PCDH7: variants seen among roughly 807,000 people sequenced by gnomAD.
The protein encoded by PCDH7 is protocadherin-7.
A neutral mutation model predicts 58.9 loss-of-function variants in PCDH7; 17 were observed. That is an observed-to-expected ratio of 0.29 (90% CI 0.20 to 0.43). The LOEUF (loss-of-function observed/expected upper bound fraction) is 0.43. Among genes scored for constraint, PCDH7 ranks in the 20% least tolerant of loss-of-function variants. The pLI, the probability that PCDH7 is intolerant of heterozygous loss-of-function variation, is 1.00. For synonymous variants in PCDH7, 664 were observed against 616.4 expected, an observed-to-expected ratio of 1.08 and a Z score of -1.14; for missense variants, 1,274 against 1,441.0, an observed-to-expected ratio of 0.88 and a Z score of 1.88.
intron 1 of PCDH7, among the ~76,000 whole-genome samples, chr4:30,868,488 G>A (rs539747360): frequency 6.6e-6 from 1 of 152,210 alleles, no homozygotes; most frequent in Non-Finnish European, 1.5e-5. Context: ...GACAAGGAAT[G>A]TTCAGTGCCT....
chr4:31,086,925 A>G (rs952150687), intron 3 of PCDH7, among the ~76,000 whole-genome samples: 2 of 152,206 alleles, frequency 1.3e-5, no homozygotes, highest in Admixed American at 6.5e-5. Context: ...ATACATAGCC[A>G]AGAATACCAT....
intron 3 of PCDH7, among the ~76,000 whole-genome samples, chr4:30,977,961 G>C (rs1434085749): frequency 6.6e-6 from 1 of 152,106 alleles, no homozygotes; most frequent in African/African-American, 2.4e-5. Context: ...ATGCTCCTTA[G>C]CTTCGTATAA....
intron 1 of PCDH7, chr4:30,725,343 G>T: frequency 1.1e-6 from 1 of 945,380 alleles, no homozygotes; most frequent in Non-Finnish European, 1.3e-6. Flanking sequence ...TATTATTTAA[G>T]CCAAGTAATG....
At chr4:31,016,897 GGT>G (rs1007246771) in intron 3 of PCDH7, among the ~76,000 whole-genome samples, 18 of 147,602 alleles carry the variant, frequency 1.2e-4, no homozygotes, top group Middle Eastern at 3.4e-3. Context: ...GTGTGTGCTG[GGT>G]GTGTGTGTGT....
intron 1 of PCDH7, among the ~76,000 whole-genome samples, chr4:30,769,460 G>A (rs1002233832): frequency 2.6e-5 from 4 of 152,094 alleles, no homozygotes; most frequent in African/African-American, 9.7e-5. Context: ...CCTCAATTTG[G>A]CTTTAAGACT....
At chr4:31,057,683 C>G (rs1757362576) in intron 3 of PCDH7, among the ~76,000 whole-genome samples, 1 of 152,094 alleles carries the variant, frequency 6.6e-6, no homozygotes, top group Non-Finnish European at 1.5e-5. Context: ...GTTTAAAAAT[C>G]TTACTTAGTT....
chr4:30,752,387 T>C (rs1314525560), intron 1 of PCDH7, among the ~76,000 whole-genome samples: 7 of 152,258 alleles, frequency 4.6e-5, no homozygotes, highest in South Asian at 2.1e-4. Flanking sequence ...AGCAGGTTCA[T>C]GGATGATTTT....
intron 1 of PCDH7, among the ~76,000 whole-genome samples, chr4:30,890,551 A>G (rs1738479263): frequency 6.6e-6 from 1 of 151,956 alleles, no homozygotes; most frequent in South Asian, 2.1e-4. Flanking sequence ...GCCCAAATAT[A>G]TGATCATCTT....
intron 1 of PCDH7, among the ~76,000 whole-genome samples, chr4:30,883,607 A>G (rs1174924131): frequency 2.0e-5 from 3 of 152,130 alleles, no homozygotes; most frequent in African/African-American, 7.2e-5. Context: ...CTTTCATCCA[A>G]TAGTATTTGC....
intron 1 of PCDH7, among the ~76,000 whole-genome samples, chr4:30,798,808 T>C (rs536601345): frequency 1.6e-4 from 25 of 152,288 alleles, no homozygotes; most frequent in African/African-American, 5.3e-4. Context: ...GAACTAACTG[T>C]TCAAGTTATA....
intron 3 of PCDH7, among the ~76,000 whole-genome samples, chr4:31,081,984 G>A (rs1452068218): frequency 3.3e-5 from 5 of 152,086 alleles, no homozygotes; most frequent in Non-Finnish European, 7.4e-5. Flanking sequence ...TGTTGGCCAG[G>A]CTGGTCTTGA....
At chr4:30,974,885 G>A (rs986862450) in intron 3 of PCDH7, among the ~76,000 whole-genome samples, 3 of 152,090 alleles carry the variant, frequency 2.0e-5, no homozygotes, top group African/African-American at 4.8e-5. Flanking sequence ...AAAGAGAAAG[G>A]CCTTTTATTT....
At chr4:31,132,994 T>C (rs1010040940) in intron 3 of PCDH7, among the ~76,000 whole-genome samples, 1 of 152,246 alleles carries the variant, frequency 6.6e-6, no homozygotes, top group Non-Finnish European at 1.5e-5. Context: ...ACCTAAAATA[T>C]TGACATAATC....
chr4:30,827,782 A>G (rs530161242), intron 1 of PCDH7, among the ~76,000 whole-genome samples: 2 of 152,266 alleles, frequency 1.3e-5, no homozygotes, highest in Admixed American at 1.3e-4. Context: ...GAAACATACA[A>G]TCTAGTATGT....
At chr4:30,851,010 G>A (rs943624789) in intron 1 of PCDH7, among the ~76,000 whole-genome samples, 3 of 151,944 alleles carry the variant, frequency 2.0e-5, no homozygotes, top group Non-Finnish European at 2.9e-5. Flanking sequence ...GAAGCCAAGC[G>A]ATTGTTCTCT....
intron 3 of PCDH7, among the ~76,000 whole-genome samples, chr4:31,082,985 G>A (rs987573868): frequency 1.3e-5 from 2 of 152,168 alleles, no homozygotes; most frequent in African/African-American, 4.8e-5. Flanking sequence ...GTGGGCACCT[G>A]TAGTCCCAGC....
chr4:31,142,885 A>G (rs746778972), exon 4 of PCDH7: 1 of 1,320,908 alleles, frequency 7.6e-7, no homozygotes, highest in Non-Finnish European at 9.9e-7. Context: ...CTTTACATGT[A>G]TGAAAAGGAG....
At chr4:31,036,582 T>C (rs541296642) in intron 3 of PCDH7, among the ~76,000 whole-genome samples, 35 of 152,252 alleles carry the variant, frequency 2.3e-4, no homozygotes, top group African/African-American at 8.4e-4. Flanking sequence ...ACTTGGCAAA[T>C]TACAAAGAGA....
intron 1 of PCDH7, among the ~76,000 whole-genome samples, chr4:30,907,017 A>C (rs562668247): frequency 2.6e-5 from 4 of 152,202 alleles, no homozygotes; most frequent in Admixed American, 2.0e-4. Context: ...AGTGAGACTC[A>C]GTCTCAAAAA....
Sources: allele counts gnomAD v4.1 joint callset (sites outside exome capture counted in the v4.1 genomes callset), GRCh38; gene constraint gnomAD v4.1.1; transcripts MANE v1.5; gene names NCBI Gene and HGNC (gene_info 2026-07-23, HGNC 2026-07-21).